The following KALRN variants were observed in gnomAD, a reference collection of about 807,000 sequenced individuals.
KALRN encodes kalirin.
A neutral mutation model predicts 353.7 loss-of-function variants in KALRN; 70 were observed. The observed-to-expected ratio is 0.20, with a 90% CI of 0.16 to 0.24. The LOEUF (loss-of-function observed/expected upper bound fraction) is 0.24. KALRN is among the 10% of genes least tolerant of loss of function. The probability of loss-of-function intolerance (pLI) is 1.00; values close to 1 mark genes in which losing one functional copy is unlikely to be tolerated. For synonymous variants in KALRN, 1,391 were observed against 1,434.8 expected (o/e 0.97, Z 0.69); for missense variants, 2,791 against 3,756.7 (o/e 0.74, Z 6.72).
intron 6 of KALRN, among the ~76,000 whole-genome samples, chr3:124,302,610 A>G (rs2077355313): frequency 1.3e-5 from 2 of 152,226 alleles, no homozygotes; most frequent in South Asian, 4.1e-4. Context: ...TGAAGACCCA[A>G]TTCCAGCAAA....
chr3:124,265,312 T>TTTTTTTTTTTTTA, intron 4 of KALRN, among the ~76,000 whole-genome samples: 2 of 141,002 alleles, frequency 1.4e-5, no homozygotes, highest in Non-Finnish European at 1.5e-5. Context: ...TTTTTTTTTT[T>TTTTTTTTTTTTTA]GAGATAGAGT....
At chr3:124,145,958 A>G in intron 1 of KALRN, among the ~76,000 whole-genome samples, 1 of 152,228 alleles carries the variant, frequency 6.6e-6, no homozygotes, top group East Asian at 1.9e-4. Context: ...TGCACCATCA[A>G]GGTGAAATCA....
At chr3:124,597,256 A>T (rs2076355455) in intron 34 of KALRN, among the ~76,000 whole-genome samples, 1 of 152,206 alleles carries the variant, frequency 6.6e-6, no homozygotes, top group Non-Finnish European at 1.5e-5. Context: ...AGAAATCTTA[A>T]GATATTTCTC....
At chr3:124,693,261 GT>G (rs3836304) in intron 51 of KALRN, among the ~76,000 whole-genome samples, 46,243 of 152,060 alleles carry the variant, frequency 0.3, 7,437 homozygotes, top group East Asian at 0.59. Context: ...GAGAAGCTCT[GT>G]TGTTTAGCTG....
intron 33 of KALRN, among the ~76,000 whole-genome samples, chr3:124,518,144 T>C (rs2066828779): frequency 6.6e-6 from 1 of 152,186 alleles, no homozygotes; most frequent in Non-Finnish European, 1.5e-5. Flanking sequence ...TCATCAGTGA[T>C]CCTCCTCTGG....
intron 1 of KALRN, chr3:124,163,488 T>A (rs554949624): frequency 2.0e-6 from 1 of 497,576 alleles, no homozygotes; most frequent in African/African-American, 2.1e-5. Flanking sequence ...GTGAAAGCAG[T>A]TTGAAGAAAA....
chr3:124,049,481 T>C (rs1000339964), intron 1 of KALRN, among the ~76,000 whole-genome samples: 69 of 152,186 alleles, frequency 4.5e-4, no homozygotes, highest in African/African-American at 1.5e-3. Flanking sequence ...AGTGAGATGA[T>C]AGAAAGAAAA....
intron 1 of KALRN, among the ~76,000 whole-genome samples, chr3:124,071,296 C>T (rs2060007224): frequency 6.6e-6 from 1 of 152,266 alleles, no homozygotes; most frequent in African/African-American, 2.4e-5. Flanking sequence ...CAAATGCAAT[C>T]TCTATTTCTC....
chr3:124,256,658 A>G (rs1195788784), intron 3 of KALRN, among the ~76,000 whole-genome samples: 4 of 151,982 alleles, frequency 2.6e-5, no homozygotes, highest in Non-Finnish European at 5.9e-5. Flanking sequence ...CCACCCACCC[A>G]CAGAAGCCCT....
rs544755978 is a variant in KALRN, at chr3:124,702,262, A to G, written c.8075+146A>G. On this transcript the variant is annotated intron_variant, in intron 57 of 59. Coordinates refer to ENST00000682506, the MANE Select transcript of KALRN (RefSeq NM_001388419.1). The stretch of plus-strand genomic sequence containing the variant: ...GAAAAAAACTAAAATATTCGTTTGT[A>G]TTTTCTACTGTTCTTTTTCTAACTT... The G allele has an allele frequency of 7.5e-5, 38 of 504,818 alleles. No homozygotes were observed. The East Asian group carries it at 1.1e-3, about 15-fold the overall frequency. The allele number at this position is 504,818 out of a possible 1,614,324, so 31.3% of individuals were successfully genotyped here. A position where few individuals can be genotyped will look rare whatever the true frequency, so the allele number is the denominator to read the frequency against.
At chr3:124,061,425 A>G (rs1209394400) in intron 1 of KALRN, among the ~76,000 whole-genome samples, 1 of 152,214 alleles carries the variant, frequency 6.6e-6, no homozygotes, top group Non-Finnish European at 1.5e-5. Flanking sequence ...GAAGCCAGGC[A>G]ATATGGTGCC....
intron 5 of KALRN, among the ~76,000 whole-genome samples, chr3:124,273,675 T>C (rs943147706): frequency 6.6e-6 from 1 of 152,196 alleles, no homozygotes; most frequent in Admixed American, 6.5e-5. Flanking sequence ...GCCTCTGTGC[T>C]TGGAGAATGT....
intron 52 of KALRN, 57 bp from the exon 53 acceptor site, chr3:124,694,275 G>A: frequency 7.1e-6 from 11 of 1,543,350 alleles, no homozygotes; most frequent in South Asian, 1.2e-5. Context: ...AAACAAAATG[G>A]CCATTTTATT....
At chr3:124,616,216 A>T (rs1227433218) in intron 34 of KALRN, among the ~76,000 whole-genome samples, 1 of 152,126 alleles carries the variant, frequency 6.6e-6, no homozygotes, top group Admixed American at 6.5e-5. Context: ...TTACAGTCTT[A>T]AACTTTCCAG....
intron 1 of KALRN, among the ~76,000 whole-genome samples, chr3:124,089,614 G>A (rs1052820937): frequency 4.6e-5 from 7 of 152,058 alleles, no homozygotes; most frequent in African/African-American, 1.7e-4. Flanking sequence ...GATCAGTTCT[G>A]AGAGGGTCTC....
intron 1 of KALRN, among the ~76,000 whole-genome samples, chr3:124,089,939 T>C (rs1018974063): frequency 7.9e-5 from 12 of 152,210 alleles, no homozygotes; most frequent in Non-Finnish European, 1.5e-4. Flanking sequence ...TTTGCCAAGA[T>C]AGGAATATTT....
chr3:124,709,392 C>T (rs2062787347), intron 57 of KALRN, among the ~76,000 whole-genome samples: 1 of 152,148 alleles, frequency 6.6e-6, no homozygotes, highest in Non-Finnish European at 1.5e-5. Context: ...ATTTTTGTGC[C>T]TCAGTCTCCT....
At chr3:124,269,866 A>T (rs1186423307) in intron 5 of KALRN, among the ~76,000 whole-genome samples, 1 of 152,174 alleles carries the variant, frequency 6.6e-6, no homozygotes, top group Non-Finnish European at 1.5e-5. Context: ...TGACATCTGA[A>T]TCCAGCATTT....
chr3:124,517,168 T>A (rs949982590), intron 33 of KALRN, among the ~76,000 whole-genome samples: 8 of 152,196 alleles, frequency 5.3e-5, no homozygotes, highest in African/African-American at 1.2e-4. Flanking sequence ...GCTCAGTGAG[T>A]TCACCAGTCC....
Sources: allele counts gnomAD v4.1 joint callset (sites outside exome capture counted in the v4.1 genomes callset), GRCh38; gene constraint gnomAD v4.1.1; transcripts MANE v1.5; gene names NCBI Gene and HGNC (gene_info 2026-07-23, HGNC 2026-07-21).